Variants in OPCML observed in about 807,000 individuals in gnomAD.
The protein encoded by OPCML is opioid-binding protein/cell adhesion molecule.
Under a neutral mutation model 37.8 loss-of-function variants are expected in OPCML, and 13 were observed. The ratio of observed to expected loss-of-function variants is 0.34; its 90% CI spans 0.22 to 0.55. OPCML has a LOEUF of 0.55. Ranked by LOEUF, OPCML falls within the 20% of genes least tolerant of loss-of-function variation. The probability of loss-of-function intolerance (pLI) is 0.91; values close to 1 mark genes in which losing one functional copy is unlikely to be tolerated. For synonymous variants in OPCML, 176 were observed against 168.8 expected (o/e 1.04, Z -0.33); for missense variants, 341 against 435.6 (o/e 0.78, Z 1.93).
At chr11:132,445,373 A>G (rs1168178567) in intron 4 of OPCML, among the ~76,000 whole-genome samples, 1 of 152,060 alleles carries the variant, frequency 6.6e-6, no homozygotes, top group African/African-American at 2.4e-5. Flanking sequence ...AGACAAAAGG[A>G]CTCAAGTGAC....
At chr11:132,778,580 G>A (rs781395870) in intron 2 of OPCML, among the ~76,000 whole-genome samples, 8 of 152,192 alleles carry the variant, frequency 5.3e-5, no homozygotes, top group Non-Finnish European at 1.0e-4. Context: ...GAATTTTGCA[G>A]TCTCATTCTA....
At chr11:133,141,071 A>G (rs796886852) in intron 1 of OPCML, among the ~76,000 whole-genome samples, 1 of 83,620 alleles carries the variant, frequency 1.2e-5, no homozygotes, top group Non-Finnish European at 3.0e-5. Context: ...GAAGAAGAAG[A>G]AGAAGAAGAA....
chr11:132,803,759 A>G (rs1338346163), intron 2 of OPCML, among the ~76,000 whole-genome samples: 2 of 152,206 alleles, frequency 1.3e-5, no homozygotes, highest in Admixed American at 1.3e-4. Context: ...AACTTTATAG[A>G]TATATAAACT....
At chr11:133,215,678 G>A (rs753271418) in intron 1 of OPCML, among the ~76,000 whole-genome samples, 4 of 152,152 alleles carry the variant, frequency 2.6e-5, no homozygotes, top group Admixed American at 6.5e-5. Context: ...GCATCAGAAC[G>A]TCTACTTTGA....
rs369450423 is a variant in OPCML at position 133,104,111 on chromosome 11, G to T, written c.62-161101C>A. ...CAGCCCAGTGGGGCAAAAAGCAGGA[G>T]CCCATTAGACAGCTCCACATGTCCA... On this transcript the variant is annotated intron_variant, in intron 1 of 7. Coordinates refer to ENST00000524381, the MANE Select transcript of OPCML (RefSeq NM_001012393.5). 4.6e-5 allele frequency among the ~76,000 whole-genome samples: 7 copies of T among 152,370 alleles called. No homozygotes were observed. The South Asian group carries it at 8.3e-4, about 18-fold the overall frequency.
At chr11:132,928,854 ATT>A (rs1565972707) in intron 2 of OPCML, among the ~76,000 whole-genome samples, 1 of 152,034 alleles carries the variant, frequency 6.6e-6, no homozygotes, top group African/African-American at 2.4e-5. Context: ...GAATTAACAC[ATT>A]CTCAAACAAT....
intron 2 of OPCML, among the ~76,000 whole-genome samples, chr11:132,710,839 A>ACTCCAGCCTGGAT (rs1944235260): frequency 6.6e-6 from 1 of 152,108 alleles, no homozygotes; most frequent in Non-Finnish European, 1.5e-5. Flanking sequence ...TGGATGACAG[A>ACTCCAGCCTGGAT]GACAGACTCC....
At chr11:132,814,621 A>T (rs1259444698) in intron 2 of OPCML, among the ~76,000 whole-genome samples, 1 of 152,224 alleles carries the variant, frequency 6.6e-6, no homozygotes, top group East Asian at 1.9e-4. Context: ...CAGTCCACCA[A>T]TTCAAATGCT....
At position 133,500,895 on chromosome 11, in the gene OPCML, A is replaced by C. The variant is rs551595387; in HGVS notation, c.61+31369T>G. 1.9e-4 allele frequency among the ~76,000 whole-genome samples: 29 copies of C among 152,114 alleles called. No homozygotes were observed. In the South Asian group the frequency reaches 5.8e-3, roughly 31 times the overall value. ...TAGAGAGGGAGGAGTCTGAGTAGGG[A>C]GGAGAGATGACTCCTTGCAATTAGG... On this transcript the variant is annotated intron_variant, in intron 1 of 7. Coordinates refer to ENST00000524381, the MANE Select transcript of OPCML (RefSeq NM_001012393.5).
chr11:133,367,824 A>G (rs1032268765), intron 1 of OPCML, among the ~76,000 whole-genome samples: 1 of 152,128 alleles, frequency 6.6e-6, no homozygotes, highest in Non-Finnish European at 1.5e-5. Flanking sequence ...GCAACCTCTG[A>G]TCCCATTTAG....
intron 2 of OPCML, among the ~76,000 whole-genome samples, chr11:132,802,503 T>C (rs553999345): frequency 1.3e-5 from 2 of 152,334 alleles, no homozygotes; most frequent in East Asian, 3.9e-4. Flanking sequence ...TAAAGATTTC[T>C]TAGAAACAAT....
chr11:133,287,407 T>C (rs1942332262), intron 1 of OPCML, among the ~76,000 whole-genome samples: 1 of 150,168 alleles, frequency 6.7e-6, no homozygotes. Flanking sequence ...CCGAAACAAG[T>C]GGGCAAAATA....
In OPCML at chr11:133,235,459, G is replaced by A. The variant is rs1940471231; in HGVS notation, c.62-292449C>T. Among the ~76,000 whole-genome samples, 3 of 152,178 alleles carry A rather than the reference G, an allele frequency of 2.0e-5. 1 individual carries two copies. The highest frequency in any genetic ancestry group is 4.1e-4 in the South Asian group (2 of 4,828). ...ATAAAATACAAGAAAGGGAAAAGAGGAGAAGGGAAGGGAAGAAAAAAGCAA... is the reference window on the plus strand; with the variant it reads ...ATAAAATACAAGAAAGGGAAAAGAGAAGAAGGGAAGGGAAGAAAAAAGCAA... On this transcript the variant is annotated intron_variant, in intron 1 of 7. Coordinates refer to ENST00000524381, the MANE Select transcript of OPCML (RefSeq NM_001012393.5).
rs1176777082 is a variant in OPCML at position 133,118,142 on chromosome 11, G to A, written c.62-175132C>T. ...CTCAGGTGAAACTTCTGGACTGCAG[G>A]AACTACTTTTGAATATGTCTCTAAA... On this transcript the variant is annotated intron_variant, in intron 1 of 7. Transcript: ENST00000524381. The A allele has an allele frequency of 6.2e-6, 5 of 808,076 alleles. No individual in the cohort carries two copies. The African/African-American group carries it at 9.3e-5, about 15-fold the overall frequency. The allele number at this position is 808,076 out of a possible 1,614,324, so 50.1% of individuals were successfully genotyped here.
At chr11:133,337,895 C>A (rs1210239457) in intron 1 of OPCML, among the ~76,000 whole-genome samples, 2 of 152,050 alleles carry the variant, frequency 1.3e-5, no homozygotes, top group East Asian at 1.9e-4. Context: ...GGCTCACACA[C>A]TGATCCCCAC....
chr11:132,697,505 T>G (rs1189175379), intron 2 of OPCML, among the ~76,000 whole-genome samples: 2 of 152,176 alleles, frequency 1.3e-5, no homozygotes, highest in Non-Finnish European at 2.9e-5. Context: ...TTTTTTAGAT[T>G]CTACATATAA....
intron 3 of OPCML, among the ~76,000 whole-genome samples, chr11:132,548,423 G>A (rs2096373807): frequency 6.6e-6 from 1 of 152,174 alleles, no homozygotes; most frequent in African/African-American, 2.4e-5. Context: ...TCCTGGCCCT[G>A]GGAGGATGGG....
intron 1 of OPCML, among the ~76,000 whole-genome samples, chr11:133,514,221 C>G (rs1216849340): frequency 1.3e-5 from 2 of 152,184 alleles, no homozygotes; most frequent in Non-Finnish European, 2.9e-5. Context: ...GGAACCAGTA[C>G]AGGGGATACT....
At chr11:132,455,667 T>C (rs1025153249) in intron 4 of OPCML, among the ~76,000 whole-genome samples, 1 of 152,236 alleles carries the variant, frequency 6.6e-6, no homozygotes, top group African/African-American at 2.4e-5. Flanking sequence ...ATTTAAATCA[T>C]TCCAGACTCA....
Sources: gnomAD v4.1 joint callset for allele counts (sites outside exome capture counted in the v4.1 genomes callset) on GRCh38, gnomAD v4.1.1 for gene constraint, MANE v1.5 for transcripts, NCBI Gene and HGNC (gene_info 2026-07-23, HGNC 2026-07-21) for gene names.